CHSY3: variants seen among roughly 807,000 people sequenced by gnomAD.
CHSY3 encodes N-acetylgalactosaminyl-proteoglycan 3-beta-glucuronosyltransferase 3.
CHSY3 carries 35 observed loss-of-function variants against 67.2 expected under a neutral mutation model. The observed-to-expected ratio is 0.52, with a 90% CI of 0.40 to 0.69. The LOEUF is 0.69. CHSY3 is among the 30% of genes least tolerant of loss of function. The pLI, the probability that CHSY3 is intolerant of heterozygous loss-of-function variation, is 0.00. For synonymous variants in CHSY3, 474 were observed against 434.7 expected (o/e 1.09, Z -1.12); for missense variants, 1,069 against 1,138.5 (o/e 0.94, Z 0.88).
At chr5:129,940,636 A>G (rs1761667381) in intron 2 of CHSY3, among the ~76,000 whole-genome samples, 1 of 152,012 alleles carries the variant, frequency 6.6e-6, no homozygotes, top group Non-Finnish European at 1.5e-5. Flanking sequence ...TCACTATTAT[A>G]AAAAATACTG....
At chr5:129,945,005 T>C (rs1186856405) in intron 2 of CHSY3, among the ~76,000 whole-genome samples, 1 of 152,222 alleles carries the variant, frequency 6.6e-6, no homozygotes, top group Non-Finnish European at 1.5e-5. Context: ...TTAGAACACT[T>C]ATATTCCAGG....
At position 129,908,905 on chromosome 5, in the gene CHSY3, C is replaced by T. The variant is rs565146130; in HGVS notation, c.1086+545C>T. On this transcript the variant is annotated intron_variant, in intron 2 of 2. Transcript: ENST00000305031. ...GTATCATTTATGGTAGATGTATTCACAAAATTCCAATCACTGTATTTCCTT... is the reference window on the plus strand; with the variant it reads ...GTATCATTTATGGTAGATGTATTCATAAAATTCCAATCACTGTATTTCCTT... Among the ~76,000 whole-genome samples, 4 of 152,136 alleles carry T rather than the reference C, an allele frequency of 2.6e-5. 1 individual carries two copies. The highest frequency in any genetic ancestry group is 9.6e-5 in the African/African-American group (4 of 41,524).
At chr5:130,143,782 GTGTA>G (rs1238934290) in intron 2 of CHSY3, among the ~76,000 whole-genome samples, 6 of 32,320 alleles carry the variant, frequency 1.9e-4, no homozygotes, top group Admixed American at 7.3e-4. Flanking sequence ...ATATATATAT[GTGTA>G]TATATATATA....
intron 2 of CHSY3, among the ~76,000 whole-genome samples, chr5:130,066,331 CAG>C (rs920576940): frequency 1.1e-4 from 17 of 151,958 alleles, no homozygotes; most frequent in African/African-American, 4.1e-4. Context: ...ATGATGAATC[CAG>C]AGAGGCCACT....
At chr5:130,123,581 T>C (rs1246003369) in intron 2 of CHSY3, among the ~76,000 whole-genome samples, 1 of 152,164 alleles carries the variant, frequency 6.6e-6, no homozygotes, top group Non-Finnish European at 1.5e-5. Flanking sequence ...TGCGGCCAGG[T>C]TCCTAACACA....
At chr5:130,016,926 T>C (rs983651447) in intron 2 of CHSY3, among the ~76,000 whole-genome samples, 1 of 152,118 alleles carries the variant, frequency 6.6e-6, no homozygotes, top group Non-Finnish European at 1.5e-5. Context: ...GAGAGGATGA[T>C]CAACCGACAC....
At chr5:129,935,280 A>G (rs563341940) in intron 2 of CHSY3, among the ~76,000 whole-genome samples, 1 of 152,286 alleles carries the variant, frequency 6.6e-6, no homozygotes, top group East Asian at 1.9e-4. Context: ...GTAGTCACAT[A>G]TACGTGAAAT....
chr5:130,145,359 TC>T (rs771269056), intron 2 of CHSY3, among the ~76,000 whole-genome samples: 8 of 152,184 alleles, frequency 5.3e-5, no homozygotes, highest in Non-Finnish European at 1.2e-4. Context: ...GATAGTATCT[TC>T]AATAAATGTT....
chr5:130,081,230 A>T (rs1426236333), intron 2 of CHSY3, among the ~76,000 whole-genome samples: 2 of 151,954 alleles, frequency 1.3e-5, no homozygotes, highest in Middle Eastern at 3.4e-3. Flanking sequence ...TTGGATCTGG[A>T]CTTCAGTCAG....
chr5:129,983,645 A>T (rs952367684), intron 2 of CHSY3, among the ~76,000 whole-genome samples: 26 of 152,062 alleles, frequency 1.7e-4, no homozygotes, highest in African/African-American at 6.3e-4. Context: ...GAGAGGGTAG[A>T]TACTAATGAC....
intron 2 of CHSY3, among the ~76,000 whole-genome samples, chr5:130,033,775 TAA>T (rs11288252): frequency 2.0e-5 from 3 of 151,708 alleles, no homozygotes; most frequent in Non-Finnish European, 4.4e-5. Context: ...ATATTTGCTT[TAA>T]AAAAAACTTT....
At chr5:130,004,559 G>A (rs747821089) in intron 2 of CHSY3, among the ~76,000 whole-genome samples, 22 of 152,094 alleles carry the variant, frequency 1.4e-4, no homozygotes, top group Non-Finnish European at 2.8e-4. Flanking sequence ...TACTAAATGA[G>A]GAAAGAGAAA....
At chr5:130,060,486 T>C (rs138835951) in intron 2 of CHSY3, among the ~76,000 whole-genome samples, 2 of 152,256 alleles carry the variant, frequency 1.3e-5, no homozygotes, top group East Asian at 1.9e-4. Flanking sequence ...AAAGCCTTTT[T>C]TTCCAAGAAC....
At chr5:130,002,653 A>G (rs1245314551) in intron 2 of CHSY3, among the ~76,000 whole-genome samples, 2 of 152,206 alleles carry the variant, frequency 1.3e-5, no homozygotes, top group African/African-American at 4.8e-5. Context: ...AGCTAGAGAC[A>G]TAAATATTTT....
At chr5:130,019,650 TC>T (rs1764310490) in intron 2 of CHSY3, among the ~76,000 whole-genome samples, 1 of 152,214 alleles carries the variant, frequency 6.6e-6, no homozygotes, top group African/African-American at 2.4e-5. Flanking sequence ...CGTTTATCTT[TC>T]CCTGGTAGAA....
chr5:130,034,110 A>G (rs930010980), intron 2 of CHSY3, among the ~76,000 whole-genome samples: 10 of 152,106 alleles, frequency 6.6e-5, no homozygotes, highest in Non-Finnish European at 1.5e-4. Context: ...GTTTGTTTGC[A>G]AGTTGTTTTG....
chr5:129,958,576 C>A (rs982742940), intron 2 of CHSY3, among the ~76,000 whole-genome samples: 4 of 152,072 alleles, frequency 2.6e-5, no homozygotes, highest in Non-Finnish European at 5.9e-5. Flanking sequence ...TGTTACCCAG[C>A]CTGGAGTGCA....
Position 129,905,007 on chromosome 5 carries a change from C to T in CHSY3, c.178C>T (p.Gln60Ter), listed in dbSNP as rs1357487871. The T allele has an allele frequency of 6.4e-7, 1 of 1,565,028 alleles. No homozygotes were observed. The highest frequency in any genetic ancestry group is 8.6e-7 in the Non-Finnish European group (1 of 1,162,002). The change falls in exon 1 of 3, where the codon CAG becomes TAG. Residue 60 changes from glutamine (Q) to a stop codon, truncating the protein, a stop_gained. Transcript: ENST00000305031. LOFTEE classifies it high-confidence loss of function. ...RSAAGPRAGA[Q>*]QPLPQPQSRP... ...TGCTGCTGGCCCCCGCGCCGGCGCT[C>T]AGCAGCCGCTCCCCCAGCCCCAGTC...
intron 2 of CHSY3, chr5:130,140,804 TG>T: frequency 4.3e-6 from 1 of 232,006 alleles, no homozygotes; most frequent in South Asian, 9.0e-5. Flanking sequence ...TAGAGCTGTC[TG>T]ATGCCTCCAT....
Sources: gnomAD v4.1 joint callset for allele counts (sites outside exome capture counted in the v4.1 genomes callset) on GRCh38, gnomAD v4.1.1 for gene constraint, MANE v1.5 for transcripts, NCBI Gene and HGNC (gene_info 2026-07-23, HGNC 2026-07-21) for gene names.